The following LRP1B variants were observed in gnomAD, a reference collection of about 807,000 sequenced individuals.
LRP1B encodes the protein low-density lipoprotein receptor-related protein 1B.
LRP1B carries 217 observed loss-of-function variants against 556.6 expected under a neutral mutation model. That is an observed-to-expected ratio of 0.39 (90% CI 0.35 to 0.44). LRP1B has a LOEUF of 0.44. Ranked by LOEUF, LRP1B falls within the 20% of genes least tolerant of loss-of-function variation. The pLI, the probability that LRP1B is intolerant of heterozygous loss-of-function variation, is 1.00. For synonymous variants in LRP1B, 2,047 were observed against 1,865.8 expected (o/e 1.10, Z -2.50); for missense variants, 5,053 against 5,620.8 (o/e 0.90, Z 3.23).
At chr2:140,927,241 A>G (rs1189897968) in intron 20 of LRP1B, among the ~76,000 whole-genome samples, 2 of 152,086 alleles carry the variant, frequency 1.3e-5, no homozygotes, top group Non-Finnish European at 2.9e-5. Context: ...GGAGGCAGAG[A>G]TTGCAATGAG....
chr2:141,971,574 G>C (rs761742500), intron 1 of LRP1B, among the ~76,000 whole-genome samples: 13 of 151,374 alleles, frequency 8.6e-5, no homozygotes, highest in Middle Eastern at 3.4e-3. Context: ...GCATCCAGAG[G>C]GATTTTGTCG....
chr2:140,287,790 T>C (rs1012616486), intron 84 of LRP1B, among the ~76,000 whole-genome samples: 2 of 151,784 alleles, frequency 1.3e-5, no homozygotes, highest in Non-Finnish European at 2.9e-5. Context: ...ACACTGGTTT[T>C]TCTCTTAATA....
intron 2 of LRP1B, among the ~76,000 whole-genome samples, chr2:141,701,987 C>T (rs143267030): frequency 6.6e-5 from 10 of 151,974 alleles, no homozygotes; most frequent in African/African-American, 2.2e-4. Flanking sequence ...AGAAATTATG[C>T]TATTTATTTT....
intron 3 of LRP1B, among the ~76,000 whole-genome samples, chr2:141,313,897 T>C (rs1174943098): frequency 6.6e-6 from 1 of 152,108 alleles, no homozygotes; most frequent in Non-Finnish European, 1.5e-5. Context: ...TCTATTCTTT[T>C]CTCACCATGC....
intron 2 of LRP1B, among the ~76,000 whole-genome samples, chr2:141,752,707 C>T (rs1432139396): frequency 2.0e-5 from 3 of 150,798 alleles, no homozygotes; most frequent in East Asian, 2.0e-4. Flanking sequence ...GGTGGGGAGG[C>T]GAGGTGGGTC....
In LRP1B at chr2:140,347,557, G is replaced by T. The variant is rs79541557; in HGVS notation, c.11892+3240C>A. 1.9e-3 allele frequency among the ~76,000 whole-genome samples: 287 copies of T among 150,890 alleles called. 1 individual carries two copies. The highest frequency in any genetic ancestry group is 6.6e-3 in the African/African-American group (272 of 41,292). ...TAGTTGTCTGAATAATATTCTTCTG[G>T]TTTTTGATGCAACAGATTTTCTACT... On this transcript the variant is annotated intron_variant, in intron 77 of 90. Transcript: ENST00000389484.
chr2:140,898,184 C>T (rs1276466352), intron 23 of LRP1B, among the ~76,000 whole-genome samples: 2 of 152,080 alleles, frequency 1.3e-5, no homozygotes, highest in Admixed American at 1.3e-4. Flanking sequence ...ACTTTTTGTC[C>T]AATCATATTT....
chr2:141,243,321 A>G (rs1683950771), intron 5 of LRP1B, among the ~76,000 whole-genome samples: 1 of 151,982 alleles, frequency 6.6e-6, no homozygotes, highest in South Asian at 2.1e-4. Flanking sequence ...TGTGTGTACA[A>G]AAAATTTTTA....
rs2105171477 is a variant in LRP1B, at chr2:140,373,074, C to T, written c.10702G>A (p.Ala3568Thr). The T allele has an allele frequency of 3.7e-6, 6 of 1,613,358 alleles. No individual in the cohort carries two copies. The highest frequency in any genetic ancestry group is 5.1e-6 in the Non-Finnish European group (6 of 1,179,562). Reference sequence around the variant, plus strand: ...TCATGGCCATCACATTTCCATTTTGCTGGTATACACTGACCATTGGAACAC... The same window carrying T: ...TCATGGCCATCACATTTCCATTTTGTTGGTATACACTGACCATTGGAACAC... ...FRCSNGQCIP[A>T]KWKCDGHEDC... The change falls in exon 69 of 91, where the codon GCA becomes ACA. Residue 3568 changes from alanine to threonine, a missense_variant. Ala to Thr is a moderately conservative substitution (Grantham distance 58). Around this residue, in one of 5 missense-constraint regions of LRP1B, gnomAD observed 599 missense variants for 648.4 expected, o/e 0.92. Transcript: ENST00000389484.
At chr2:141,358,835 T>C (rs1362670723) in intron 3 of LRP1B, among the ~76,000 whole-genome samples, 2 of 152,162 alleles carry the variant, frequency 1.3e-5, no homozygotes, top group African/African-American at 2.4e-5. Context: ...CATAAATGGA[T>C]ACATATAAAA....
intron 7 of LRP1B, among the ~76,000 whole-genome samples, chr2:141,156,614 C>T (rs971791125): frequency 2.1e-5 from 3 of 145,140 alleles, no homozygotes; most frequent in Non-Finnish European, 4.5e-5. Context: ...GGCGACAGGG[C>T]TATCTCAGAA....
chr2:140,950,898 AT>A (rs1317084101), intron 19 of LRP1B, among the ~76,000 whole-genome samples: 19 of 151,478 alleles, frequency 1.3e-4, no homozygotes, highest in Middle Eastern at 3.5e-3. Context: ...TGGAAGAATT[AT>A]TTTCATCTTC....
intron 57 of LRP1B, among the ~76,000 whole-genome samples, chr2:140,490,856 C>G (rs1158318703): frequency 6.6e-6 from 1 of 152,104 alleles, no homozygotes; most frequent in African/African-American, 2.4e-5. Flanking sequence ...GTGTTCAGAT[C>G]CTTCATGAAC....
Position 140,882,058 on chromosome 2 carries a change from T to C in LRP1B, c.4169+1759A>G, listed in dbSNP as rs1179528166. 2.6e-5 allele frequency among the ~76,000 whole-genome samples: 4 copies of C among 152,212 alleles called. No individual in the cohort carries two copies. In the East Asian group the frequency reaches 7.7e-4, roughly 29 times the overall value. ...TTTTGTTTGTTTTCTGTGTCATTTA[T>C]AATTTTGGAATTATTCATGTTTTTC... On this transcript the variant is annotated intron_variant, in intron 25 of 90. Transcript: ENST00000389484.
chr2:141,096,679 A>AGAGAGAGAGAGAGAGAGAGAGG (rs1700328675), intron 7 of LRP1B, among the ~76,000 whole-genome samples: 2 of 88,450 alleles, frequency 2.3e-5, no homozygotes, highest in Middle Eastern at 4.6e-3. Flanking sequence ...AGAGAGAGAG[A>AGAGAGAGAGAGAGAGAGAGAGG]GAGAGAGAGA....
At chr2:141,882,900 A>G (rs1175660973) in intron 1 of LRP1B, among the ~76,000 whole-genome samples, 1 of 152,116 alleles carries the variant, frequency 6.6e-6, no homozygotes, top group African/African-American at 2.4e-5. Flanking sequence ...CCAGCTGATG[A>G]GTCAAATGTG....
intron 7 of LRP1B, among the ~76,000 whole-genome samples, chr2:141,109,054 T>C (rs761588572): frequency 1.3e-5 from 2 of 152,190 alleles, no homozygotes; most frequent in Non-Finnish European, 2.9e-5. Context: ...ACACCACTAT[T>C]GTAGAACCTA....
At chr2:141,302,996 G>T (rs1422991472) in intron 3 of LRP1B, among the ~76,000 whole-genome samples, 1 of 151,994 alleles carries the variant, frequency 6.6e-6, no homozygotes, top group African/African-American at 2.4e-5. Flanking sequence ...ATGGTCTTAA[G>T]TACCTGGTAA....
At chr2:141,488,479 G>A (rs763364669) in intron 2 of LRP1B, among the ~76,000 whole-genome samples, 1 of 152,132 alleles carries the variant, frequency 6.6e-6, no homozygotes, top group Non-Finnish European at 1.5e-5. Flanking sequence ...TGAGGGGTAT[G>A]AGGATTACTT....
Sources: allele counts gnomAD v4.1 joint callset (sites outside exome capture counted in the v4.1 genomes callset), GRCh38; gene constraint gnomAD v4.1.1; regional missense constraint gnomAD v4.1.1; transcripts MANE v1.5; gene names NCBI Gene and HGNC (gene_info 2026-07-23, HGNC 2026-07-21).